Variants in WNK1 observed in about 807,000 individuals in gnomAD.
WNK1 encodes the protein serine/threonine-protein kinase WNK1.
A neutral mutation model predicts 222.8 loss-of-function variants in WNK1; 38 were observed. The ratio of observed to expected loss-of-function variants is 0.17; its 90% CI spans 0.13 to 0.22. The LOEUF (loss-of-function observed/expected upper bound fraction) is 0.22, where lower values mean the gene tolerates loss of function less well. WNK1 is among the 10% of genes least tolerant of loss of function. The probability of loss-of-function intolerance (pLI) is 1.00; values close to 1 mark genes in which losing one functional copy is unlikely to be tolerated. For synonymous variants in WNK1, 1,090 were observed against 1,092.9 expected, an observed-to-expected ratio of 1.00 and a Z score of 0.05; for missense variants, 2,348 against 2,918.4, an observed-to-expected ratio of 0.80 and a Z score of 4.50.
intron 8 of WNK1, among the ~76,000 whole-genome samples, chr12:863,555 C>A (rs1565539240): frequency 6.6e-6 from 1 of 150,814 alleles, no homozygotes; most frequent in Non-Finnish European, 1.5e-5. Context: ...TTTGCTAAGA[C>A]TTTTTTTTTA....
chr12:819,950 C>G (rs1279432720), intron 2 of WNK1, among the ~76,000 whole-genome samples: 1 of 152,178 alleles, frequency 6.6e-6, no homozygotes, highest in Non-Finnish European at 1.5e-5. Context: ...TACCGCATTG[C>G]TCTGATTACT....
chr12:891,266 G>C (rs1565594799), intron 22 of WNK1, among the ~76,000 whole-genome samples: 2 of 152,104 alleles, frequency 1.3e-5, no homozygotes, highest in Non-Finnish European at 2.9e-5. Flanking sequence ...AGCCTCCCAA[G>C]TATCTGGGAT....
chr12:820,464 G>A (rs1017743812), intron 2 of WNK1, among the ~76,000 whole-genome samples: 6 of 124,848 alleles, frequency 4.8e-5, no homozygotes, highest in African/African-American at 1.8e-4. Context: ...TCATTCTTTG[G>A]GGTTTTTTTT....
rs72650711 is a variant in WNK1, at chr12:881,235, C to A, written c.3111+236C>A. 0.069 allele frequency among the ~76,000 whole-genome samples: 10,512 copies of A among 152,162 alleles called. 428 individuals are homozygous for A. The highest frequency in any genetic ancestry group is 0.085 in the African/African-American group (3,544 of 41,486). ...TTGGAGAAGATGAACCCTATTAGCA[C>A]TTCACTTCTCTAGCTAGTACTTTAG... On this transcript the variant is annotated intron_variant, in intron 12 of 27. Transcript: ENST00000315939.
In WNK1 at chr12:897,657, G is replaced by C. The variant is rs1199382432; in HGVS notation, c.6424G>C (p.Gly2142Arg). The stretch of plus-strand genomic sequence containing the variant: ...CAAATCTAGTCGAAGCAGTTCCTTG[G>C]GGAATAAAAGCCCCCAGCTTTCAGG... ...GSKSSRSSSL[G>R]NKSPQLSGNL... Residue 2142 changes from glycine (G) to arginine (R), a missense_variant, in exon 25 of 28, where the codon GGG (glycine) becomes CGG (arginine). This residue lies in a region of WNK1 where 1,144 missense variants were observed against 1,273.6 expected (regional missense o/e 0.90). Transcript: ENST00000315939. 1.2e-6 allele frequency: 2 copies of C among 1,614,072 alleles called. No homozygotes were observed. The highest frequency in any genetic ancestry group is 1.7e-6 in the Non-Finnish European group (2 of 1,180,048).
Position 857,199 on chromosome 12 carries a change from T to C in WNK1, c.1350T>C (p.Pro450=). ...KPASFDKVAI[P]EVKEIIEGCI... ...CCAGTTTTGACAAAGTAGCAATTCC[T>C]GAAGTGAAGGAAATTATTGAAGGAT... Residue 450 remains proline, a synonymous_variant, in exon 5 of 28, where the codon CCT becomes CCC. Coordinates refer to ENST00000315939, the MANE Select transcript of WNK1 (RefSeq NM_018979.4). 6.2e-7 allele frequency: 1 copy of C among 1,614,180 alleles called. No homozygotes were observed. Among genetic ancestry groups the C allele is most frequent in the Non-Finnish European group, 8.5e-7 (1 of 1,180,026 alleles).
chr12:868,778 G>T (rs1366683439), intron 8 of WNK1: 3 of 1,614,064 alleles, frequency 1.9e-6, no homozygotes, highest in East Asian at 4.5e-5. Context: ...CTTGCAGCCT[G>T]TGACTGAAGA....
At chr12:785,157 G>T (rs1268528207) in intron 1 of WNK1, among the ~76,000 whole-genome samples, 1 of 151,918 alleles carries the variant, frequency 6.6e-6, no homozygotes, top group Non-Finnish European at 1.5e-5. Context: ...TTTTCCTCTG[G>T]AAGTTTTCAG....
intron 1 of WNK1, among the ~76,000 whole-genome samples, 181 bp downstream of exon 1, chr12:754,505 A>T (rs1405052664): frequency 2.0e-5 from 3 of 152,152 alleles, no homozygotes; most frequent in Non-Finnish European, 4.4e-5. Flanking sequence ...AGGTGTTGGG[A>T]TAGGATAAGA....
chr12:879,460 T>TTTTTTCTTTTTTTTGGCTAA, intron 10 of WNK1, 113 bp from the exon 11 acceptor site: 1 of 717,304 alleles, frequency 1.4e-6, no homozygotes, highest in Non-Finnish European at 2.2e-6. Flanking sequence ...TTTTTTTTGT[T>TTTTTTCTTTTTTTTGGCTAA]TGTTTTTTCC....
At chr12:831,841 G>A (rs1025539740) in intron 4 of WNK1, among the ~76,000 whole-genome samples, 13 of 151,926 alleles carry the variant, frequency 8.6e-5, no homozygotes, top group Admixed American at 1.3e-4. Flanking sequence ...TGAGACAAAA[G>A]TTTGAGAACC....
chr12:877,863 T>C (rs1016821152), intron 9 of WNK1, among the ~76,000 whole-genome samples: 6 of 152,212 alleles, frequency 3.9e-5, no homozygotes, highest in African/African-American at 7.2e-5. Context: ...TGCCAAGAGA[T>C]AGGGAAAAGG....
At chr12:895,920 C>G in intron 23 of WNK1, 151 bp from the exon 24 acceptor site, 1 of 961,644 alleles carries the variant, frequency 1.0e-6, no homozygotes, top group Non-Finnish European at 1.6e-6. Context: ...ATTTTTCTTC[C>G]TAGTCAAAAG....
chr12:882,199 TA>T, intron 14 of WNK1, 126 bp downstream of exon 14: 2 of 1,129,386 alleles, frequency 1.8e-6, no homozygotes, highest in Non-Finnish European at 2.5e-6. Flanking sequence ...GTGTGACAGA[TA>T]ATTTTTTTTT....
chr12:819,357 T>C (rs893747191), intron 2 of WNK1, among the ~76,000 whole-genome samples: 1 of 152,176 alleles, frequency 6.6e-6, no homozygotes, highest in African/African-American at 2.4e-5. Context: ...TCCGAAATGC[T>C]TGGGACCAGA....
chr12:859,480 C>A lies in WNK1; in HGVS notation c.1620+16C>A. ...ACAAGAAATGGTAAATTGACATTAG[C>A]CATTTTAAAATTGATTTAGACTTAT... is the stretch of plus-strand genomic sequence containing the variant. On this transcript the variant is annotated intron_variant, in intron 6 of 27. Coordinates refer to ENST00000315939, the MANE Select transcript of WNK1 (RefSeq NM_018979.4). 1 of 1,588,486 alleles carries A rather than the reference C, an allele frequency of 6.3e-7. No homozygotes were observed. The highest frequency in any genetic ancestry group is 8.6e-7 in the Non-Finnish European group (1 of 1,159,928).
chr12:798,539 G>C (rs141601780), intron 1 of WNK1, among the ~76,000 whole-genome samples: 1 of 152,064 alleles, frequency 6.6e-6, no homozygotes, highest in African/African-American at 2.4e-5. Context: ...AGTATATCGA[G>C]TCTTCTGCCT....
In WNK1 at chr12:881,760, G is replaced by A. The variant is rs1423330501; in HGVS notation, c.3180G>A (p.Gln1060=). The change falls in exon 13 of 28, where the codon CAG becomes CAA. Residue 1060 remains glutamine, a synonymous_variant. Transcript: ENST00000315939. ...PVAVAQTQAT[Q]PTTLASSVDS... ...CAGTAGCACAGACCCAAGCTACCCA[G>A]CCGACCACTTTGGCTTCCTCTGTAG... The A allele has an allele frequency of 1.9e-6, 3 of 1,614,182 alleles. No homozygotes were observed. The highest frequency in any genetic ancestry group is 8.5e-7 in the Non-Finnish European group (1 of 1,180,020).
At chr12:846,127 C>T (rs982612557) in intron 4 of WNK1, among the ~76,000 whole-genome samples, 3 of 152,050 alleles carry the variant, frequency 2.0e-5, no homozygotes, top group Non-Finnish European at 4.4e-5. Flanking sequence ...GTTTTCTAGA[C>T]CGCAAGGAAA....
Sources: allele counts gnomAD v4.1 joint callset (sites outside exome capture counted in the v4.1 genomes callset), GRCh38; gene constraint gnomAD v4.1.1; regional missense constraint gnomAD v4.1.1; transcripts MANE v1.5; gene names NCBI Gene and HGNC (gene_info 2026-07-23, HGNC 2026-07-21).